The following SLC4A1AP variants were observed in gnomAD, a reference collection of about 807,000 sequenced individuals.
The protein encoded by SLC4A1AP is solute carrier family 4 member 1 adaptor protein.
SLC4A1AP carries 64 observed loss-of-function variants against 89.7 expected under a neutral mutation model. The observed-to-expected ratio is 0.71, with a 90% CI of 0.58 to 0.88. The LOEUF is 0.88. Among genes scored for constraint, SLC4A1AP ranks in the 40% least tolerant of loss-of-function variants. The pLI is 0.00. For missense variants in SLC4A1AP, 931 were observed against 965.0 expected, an observed-to-expected ratio of 0.96 and a Z score of 0.47; for synonymous variants, 366 against 353.3, an observed-to-expected ratio of 1.04 and a Z score of -0.40.
At chr2:27,680,754 AAAAC>A (rs1242322819) in intron 8 of SLC4A1AP, among the ~76,000 whole-genome samples, 3 of 151,864 alleles carry the variant, frequency 2.0e-5, no homozygotes, top group Non-Finnish European at 4.4e-5. Context: ...CAAACAAACA[AAAAC>A]AAAACAAAAA....
At chr2:27,669,087 A>T (rs928794565) in intron 4 of SLC4A1AP, among the ~76,000 whole-genome samples, 161 bp from the exon 5 acceptor site, 1 of 152,212 alleles carries the variant, frequency 6.6e-6, no homozygotes, top group Non-Finnish European at 1.5e-5. Flanking sequence ...TAAGAAATAG[A>T]AAGAAAATAT....
At chr2:27,683,393 AT>A (rs754067197) in intron 9 of SLC4A1AP, among the ~76,000 whole-genome samples, 12 of 152,156 alleles carry the variant, frequency 7.9e-5, no homozygotes, top group Non-Finnish European at 1.3e-4. Flanking sequence ...AACAACAGAA[AT>A]TTATTTGTTC....
intron 3 of SLC4A1AP, among the ~76,000 whole-genome samples, chr2:27,668,276 G>A (rs1330644581): frequency 2.6e-5 from 4 of 152,012 alleles, no homozygotes; most frequent in Non-Finnish European, 4.4e-5. Flanking sequence ...AGCCTCCCGA[G>A]TAGCTGGGAC....
At chr2:27,692,261 A>C (rs907547947) in intron 12 of SLC4A1AP, 1 of 152,224 alleles carries the variant, frequency 6.6e-6, no homozygotes, top group Non-Finnish European at 1.5e-5. Context: ...TAACCCAAAA[A>C]TCATTTAGAA....
chr2:27,667,481 G>A (rs925864443), intron 3 of SLC4A1AP, 91 bp downstream of exon 3: 25 of 1,211,680 alleles, frequency 2.1e-5, no homozygotes, highest in Non-Finnish European at 2.7e-5. Context: ...ACTAAGATAT[G>A]CTATAATTTT....
chr2:27,664,474 G>A (rs1415679612), exon 1 of SLC4A1AP: 9 of 1,614,090 alleles, frequency 5.6e-6, no homozygotes, highest in Admixed American at 1.7e-5. Flanking sequence ...AGCACCCATG[G>A]CACTTTTCTC....
exon 1 of SLC4A1AP, chr2:27,664,466 C>A: frequency 6.2e-7 from 1 of 1,614,230 alleles, no homozygotes; most frequent in South Asian, 1.1e-5. Context: ...ATCTGGGAAG[C>A]ACCCATGGCA....
At chr2:27,675,287 C>G (rs1054238325) in intron 5 of SLC4A1AP, among the ~76,000 whole-genome samples, 2 of 152,186 alleles carry the variant, frequency 1.3e-5, no homozygotes, top group African/African-American at 4.8e-5. Context: ...ACTTTTCTGT[C>G]TCTATGAATT....
intron 2 of SLC4A1AP, 97 bp from the exon 3 acceptor site, chr2:27,667,171 A>G (rs1675343326): frequency 7.3e-7 from 1 of 1,374,022 alleles, no homozygotes; most frequent in South Asian, 1.5e-5. Flanking sequence ...GCCCAGCCTA[A>G]ACTATATCTT....
At chr2:27,680,029 A>G (rs1572993756) in intron 8 of SLC4A1AP, among the ~76,000 whole-genome samples, 1 of 152,048 alleles carries the variant, frequency 6.6e-6, no homozygotes, top group South Asian at 2.1e-4. Context: ...TGTCCCCCCA[A>G]CCCTTCATTG....
At chr2:27,684,193 G>A (rs985703126) in intron 9 of SLC4A1AP, among the ~76,000 whole-genome samples, 5 of 152,072 alleles carry the variant, frequency 3.3e-5, no homozygotes, top group African/African-American at 1.2e-4. Flanking sequence ...TTGGGAGGCC[G>A]AGGTGGGTGG....
intron 8 of SLC4A1AP, among the ~76,000 whole-genome samples, chr2:27,678,784 T>C (rs2148136009): frequency 6.6e-6 from 1 of 151,018 alleles, no homozygotes. Flanking sequence ...AGTGGCACAG[T>C]GACAGCTCAC....
exon 3 of SLC4A1AP, chr2:27,667,354 C>T (rs745545414): frequency 1.9e-6 from 3 of 1,613,002 alleles, no homozygotes; most frequent in Middle Eastern, 1.7e-4. Context: ...TATAAAGGAT[C>T]CCAAAAAGGC....
intron 5 of SLC4A1AP, 67 bp from the exon 6 acceptor site, chr2:27,675,465 A>G: frequency 1.7e-6 from 2 of 1,149,024 alleles, no homozygotes. Context: ...CTCCTTGCCT[A>G]CTTGCCTTCT....
intron 8 of SLC4A1AP, among the ~76,000 whole-genome samples, chr2:27,679,469 G>C (rs1675581464): frequency 3.9e-5 from 6 of 152,154 alleles, no homozygotes; most frequent in Admixed American, 2.0e-4. Flanking sequence ...GGTTGTGGTG[G>C]TGGGTGCCTG....
At chr2:27,673,529 T>G (rs1237017587) in intron 5 of SLC4A1AP, among the ~76,000 whole-genome samples, 1 of 150,218 alleles carries the variant, frequency 6.7e-6, no homozygotes. Context: ...AGTGGTCTGA[T>G]CACAGCTCAC....
chr2:27,692,861 C>T (rs1407749238), intron 12 of SLC4A1AP: 2 of 152,044 alleles, frequency 1.3e-5, no homozygotes, highest in Non-Finnish European at 2.9e-5. Flanking sequence ...CACTCCTTTA[C>T]CTTTAGTCTA....
At chr2:27,670,488 T>C (rs1345525153) in intron 5 of SLC4A1AP, among the ~76,000 whole-genome samples, 1 of 152,148 alleles carries the variant, frequency 6.6e-6, no homozygotes, top group Non-Finnish European at 1.5e-5. Context: ...ACTTGTTCCT[T>C]GCCCTACCCA....
Position 27,675,190 on chromosome 2 carries a change from C to CT in SLC4A1AP, c.1346-336dup, listed in dbSNP as rs561255713. On this transcript the variant is annotated intron_variant, in intron 5 of 13. Coordinates refer to ENST00000613058, the Ensembl canonical transcript of SLC4A1AP. The stretch of plus-strand genomic sequence containing the variant: ...ACCATCAACACTGTTCATTTTGGAA[C>CT]TTTTTTATCATTCCATACTGAAATT... Among the ~76,000 whole-genome samples, 595 of 152,244 alleles carry CT rather than the reference C, an allele frequency of 3.9e-3. 3 individuals carry two copies. The highest frequency in any genetic ancestry group is 6.4e-3 in the Admixed American group (98 of 15,278).
Sources: allele counts gnomAD v4.1 joint callset (sites outside exome capture counted in the v4.1 genomes callset), GRCh38; gene constraint gnomAD v4.1.1; transcripts MANE v1.5; gene names NCBI Gene and HGNC (gene_info 2026-07-23, HGNC 2026-07-21).